Variants in IL2RA observed in about 807,000 individuals in gnomAD.
IL2RA encodes interleukin-2 receptor subunit alpha.
Under a neutral mutation model 37.8 loss-of-function variants are expected in IL2RA, and 24 were observed. The observed-to-expected ratio is 0.63, with a 90% CI of 0.46 to 0.89. The LOEUF (loss-of-function observed/expected upper bound fraction) is 0.89. Ranked by LOEUF, IL2RA falls within the 40% of genes least tolerant of loss-of-function variation. The pLI is 0.00. For synonymous variants in IL2RA, 125 were observed against 114.6 expected (o/e 1.09, Z -0.58); for missense variants, 319 against 348.6 (o/e 0.92, Z 0.68).
At chr10:6,038,674 A>C (rs12722518) in intron 1 of IL2RA, among the ~76,000 whole-genome samples, 8,115 of 152,312 alleles carry the variant, frequency 0.053, 292 homozygotes, top group Middle Eastern at 0.14. Flanking sequence ...ATAAATGCGC[A>C]CAAAGAAGCA....
At chr10:6,051,510 TATATA>T (rs142219415) in intron 1 of IL2RA, among the ~76,000 whole-genome samples, 34,057 of 134,076 alleles carry the variant, frequency 0.25, 4,567 homozygotes, top group South Asian at 0.34. Flanking sequence ...TATATATATA[TATATA>T]TATTTTTTTT....
chr10:6,015,546 T>C lies in IL2RA; in HGVS notation c.794+2507A>G, dbSNP rs907136259. Among the ~76,000 whole-genome samples, 1 of 152,188 alleles carries C rather than the reference T, an allele frequency of 6.6e-6. No individual in the cohort carries two copies. The highest frequency in any genetic ancestry group is 2.1e-4 in the South Asian group (1 of 4,832). On this transcript the variant is annotated intron_variant, in intron 7 of 7. Transcript: ENST00000379959. This position sits in a 1 kb window ranked among gnomAD's most constrained non-coding sequence, Gnocchi z 4.9. Reference sequence around the variant, plus strand: ...AAACTCCACAGGTGGGACCCAGCAATCTGTGCTTTAACAAGGCCTCCAGAT... The same window carrying C: ...AAACTCCACAGGTGGGACCCAGCAACCTGTGCTTTAACAAGGCCTCCAGAT...
Position 6,047,902 on chromosome 10 carries a change from T to C in IL2RA, c.64+14186A>G, listed in dbSNP as rs1009866334. On this transcript the variant is annotated intron_variant, in intron 1 of 7. Coordinates refer to ENST00000379959, the MANE Select transcript of IL2RA (RefSeq NM_000417.3). The surrounding 1 kb of genome is among the most constrained non-coding windows in gnomAD (Gnocchi z 5.0). ...TTATTACTTATGCAGTAATTAATTA[T>C]GAGGTGATGTGTTCTTCTCATCTCC... 6.6e-6 allele frequency among the ~76,000 whole-genome samples: 1 copy of C among 152,170 alleles called. No homozygotes were observed. Among genetic ancestry groups the C allele is most frequent in the African/African-American group, 2.4e-5 (1 of 41,434 alleles).
At position 6,015,175 on chromosome 10, in the gene IL2RA, C is replaced by T. The variant is rs1323019972; in HGVS notation, c.795-2279G>A. 1.3e-5 allele frequency among the ~76,000 whole-genome samples: 2 copies of T among 151,794 alleles called. No individual in the cohort carries two copies. The highest frequency in any genetic ancestry group is 1.5e-5 in the Non-Finnish European group (1 of 67,948). The stretch of plus-strand genomic sequence containing the variant: ...TGGTACGATCTCAGCTCACTGCAGC[C>T]TCTGCCTCCTGGGTTCAAGCGATTC... On this transcript the variant is annotated intron_variant, in intron 7 of 7. Transcript: ENST00000379959. The surrounding 1 kb of genome is among the most constrained non-coding windows in gnomAD (Gnocchi z 4.9).
At chr10:6,049,152 G>A (rs1333561451) in intron 1 of IL2RA, among the ~76,000 whole-genome samples, 1 of 152,252 alleles carries the variant, frequency 6.6e-6, no homozygotes, top group African/African-American at 2.4e-5. Flanking sequence ...GTGTGGCTCA[G>A]TCTAAGACTG....
In IL2RA at chr10:6,048,472, C is replaced by T. The variant is rs1589309002; in HGVS notation, c.64+13616G>A. Among the ~76,000 whole-genome samples the T allele has an allele frequency of 1.3e-5, 2 of 152,328 alleles. No homozygotes were observed. The highest frequency in any genetic ancestry group is 6.5e-5 in the Admixed American group (1 of 15,304). ...AAAGGTCCGAGGGAAGGGCCTTTGGCCATGCAGACTAGAAGCCCAGCAAGT... is the reference window on the plus strand; with the variant it reads ...AAAGGTCCGAGGGAAGGGCCTTTGGTCATGCAGACTAGAAGCCCAGCAAGT... On this transcript the variant is annotated intron_variant, in intron 1 of 7. Coordinates refer to ENST00000379959, the MANE Select transcript of IL2RA (RefSeq NM_000417.3). This position sits in a 1 kb window ranked among gnomAD's most constrained non-coding sequence, Gnocchi z 5.3.
chr10:6,017,472 A>G (rs377221065), intron 7 of IL2RA, among the ~76,000 whole-genome samples: 1 of 152,070 alleles, frequency 6.6e-6, no homozygotes, highest in East Asian at 1.9e-4. Flanking sequence ...CTGAGAAGGT[A>G]GATTTCAATA....
chr10:6,016,183 C>T (rs958250370), intron 7 of IL2RA, among the ~76,000 whole-genome samples: 49 of 152,264 alleles, frequency 3.2e-4, no homozygotes, highest in African/African-American at 1.1e-3. Context: ...GTTGTTATTG[C>T]AGGAGTGGGT....
rs546080086 is a variant in IL2RA, at chr10:6,014,803, C to T, written c.795-1907G>A. On this transcript the variant is annotated intron_variant, in intron 7 of 7. Coordinates refer to ENST00000379959, the MANE Select transcript of IL2RA (RefSeq NM_000417.3). The surrounding 1 kb of genome is among the most constrained non-coding windows in gnomAD (Gnocchi z 4.4). ...ATAACCCTAGGGGGCTTATCATTTG[C>T]ACTGCAGTAATTTATACTTTTTAAT... is the stretch of plus-strand genomic sequence containing the variant. Among the ~76,000 whole-genome samples, 1 of 152,298 alleles carries T rather than the reference C, an allele frequency of 6.6e-6. No individual in the cohort carries two copies. The highest frequency in any genetic ancestry group is 2.1e-4 in the South Asian group (1 of 4,828).
chr10:6,025,972 C>T lies in IL2RA; in HGVS notation c.118G>A (p.Ala40Thr). 6.2e-7 allele frequency: 1 copy of T among 1,614,016 alleles called. No homozygotes were observed. The highest frequency in any genetic ancestry group is 8.5e-7 in the Non-Finnish European group (1 of 1,180,042). The stretch of plus-strand genomic sequence containing the variant: ...TTCAACATGGTTCCTTCCTTGTAGG[C>T]CATGGCTTTGAATGTGGCGTGTGGG... Reference protein sequence around the residue: ...EIPHATFKAMAYKEGTMLNCE... With the variant: ...EIPHATFKAMTYKEGTMLNCE... Residue 40 changes from alanine (A) to threonine (T), a missense_variant, in exon 2 of 8, where the codon GCC becomes ACC. By Grantham distance (58) the Ala-to-Thr change is moderately conservative. Transcript: ENST00000379959. This position sits in a 1 kb window ranked among gnomAD's most constrained non-coding sequence, Gnocchi z 4.4.
chr10:6,019,641 C>T (rs1839347127), intron 5 of IL2RA, 142 bp from the exon 6 acceptor site: 3 of 785,098 alleles, frequency 3.8e-6, no homozygotes, highest in Non-Finnish European at 6.7e-6. Context: ...GAAGGTGTTC[C>T]ATCTCTGCCT....
In IL2RA at chr10:6,014,947, T is replaced by C. The variant is rs1269948010; in HGVS notation, c.795-2051A>G. ...CTTTGGTTTTGGGGGAGTGGATCTGTATTTTCTCAGGGTCTTACTGTGGAG... is the reference window on the plus strand; with the variant it reads ...CTTTGGTTTTGGGGGAGTGGATCTGCATTTTCTCAGGGTCTTACTGTGGAG... On this transcript the variant is annotated intron_variant, in intron 7 of 7. Transcript: ENST00000379959. The surrounding 1 kb of genome is among the most constrained non-coding windows in gnomAD (Gnocchi z 4.4). 6.6e-6 allele frequency among the ~76,000 whole-genome samples: 1 copy of C among 152,174 alleles called. No individual in the cohort carries two copies. The highest frequency in any genetic ancestry group is 1.5e-5 in the Non-Finnish European group (1 of 68,038).
chr10:6,040,966 G>A (rs1353546295), intron 1 of IL2RA, among the ~76,000 whole-genome samples: 1 of 152,246 alleles, frequency 6.6e-6, no homozygotes, highest in Non-Finnish European at 1.5e-5. Context: ...AAAATATAAT[G>A]GGAAATGATA....
Position 6,035,306 on chromosome 10 carries a change from A to G in IL2RA, c.65-9281T>C, listed in dbSNP as rs1247411691. On this transcript the variant is annotated intron_variant, in intron 1 of 7. Transcript: ENST00000379959. The surrounding 1 kb of genome is among the most constrained non-coding windows in gnomAD (Gnocchi z 5.4). ...CCTGGGTCTCCCTGTGTGGGCAGGG[A>G]TGGAGAGTGAGGGCCTGCCTTCATG... Among the ~76,000 whole-genome samples, 1 of 152,078 alleles carries G rather than the reference A, an allele frequency of 6.6e-6. No individual in the cohort carries two copies. The highest frequency in any genetic ancestry group is 2.4e-5 in the African/African-American group (1 of 41,414).
chr10:6,050,787 C>T (rs1288383341), intron 1 of IL2RA, among the ~76,000 whole-genome samples: 2 of 152,192 alleles, frequency 1.3e-5, no homozygotes, highest in Non-Finnish European at 2.9e-5. Context: ...GATCCCAGTG[C>T]AGGACGAGGA....
At position 6,022,017 on chromosome 10, in the gene IL2RA, G is replaced by A. The variant is rs888324893; in HGVS notation, c.368-324C>T. Among the ~76,000 whole-genome samples, 2 of 152,182 alleles carry A rather than the reference G, an allele frequency of 1.3e-5. No homozygotes were observed. Among genetic ancestry groups the A allele is most frequent in the Non-Finnish European group, 2.9e-5 (2 of 67,994 alleles). ...GTTGGTGCGGCCCCGAGACAGGAAC[G>A]CCACAACTGCCTCTTGGAAGACAGT... On this transcript the variant is annotated intron_variant, in intron 3 of 7. Coordinates refer to ENST00000379959, the MANE Select transcript of IL2RA (RefSeq NM_000417.3). This position sits in a 1 kb window ranked among gnomAD's most constrained non-coding sequence, Gnocchi z 4.7.
rs12722581 is a variant in IL2RA at position 6,022,653 on chromosome 10, C to CA, written c.368-961dup. On this transcript the variant is annotated intron_variant, in intron 3 of 7. Transcript: ENST00000379959. The surrounding 1 kb of genome is among the most constrained non-coding windows in gnomAD (Gnocchi z 4.7). ...TCCTGCCATGTGGCACCTTGAACAT[C>CA]ACGACTGAACTTGTGTTTTGGTCTC... 0.26 allele frequency among the ~76,000 whole-genome samples: 38,864 copies of CA among 152,182 alleles called. 5,798 individuals carry two copies. Among genetic ancestry groups the CA allele is most frequent in the African/African-American group, 0.42 (17,274 of 41,484 alleles).
chr10:6,023,346 T>A (rs1839420047), intron 3 of IL2RA, among the ~76,000 whole-genome samples: 1 of 152,188 alleles, frequency 6.6e-6, no homozygotes, highest in Non-Finnish European at 1.5e-5. Flanking sequence ...GTTTTGTTTT[T>A]TTGAGGGGGG....
In IL2RA at chr10:6,061,333, C is replaced by G. The variant is rs1840118814; in HGVS notation, c.64+755G>C. On this transcript the variant is annotated intron_variant, in intron 1 of 7. Transcript: ENST00000379959. Reference sequence around the variant, plus strand: ...CCTGGGAGGCGAAGGTTGCAGTAAGCCAATATCGCGCCACTGCACTCCAGT... The same window carrying G: ...CCTGGGAGGCGAAGGTTGCAGTAAGGCAATATCGCGCCACTGCACTCCAGT... 2.0e-5 allele frequency among the ~76,000 whole-genome samples: 3 copies of G among 151,938 alleles called. No individual in the cohort carries two copies. In the South Asian group the frequency reaches 6.2e-4, roughly 32 times the overall value.
Sources: allele counts gnomAD v4.1 joint callset (sites outside exome capture counted in the v4.1 genomes callset), GRCh38; gene constraint gnomAD v4.1.1; non-coding constraint Gnocchi (gnomAD v3.1); transcripts MANE v1.5; gene names NCBI Gene and HGNC (gene_info 2026-07-23, HGNC 2026-07-21).